ATXN7L1: variants seen among roughly 807,000 people sequenced by gnomAD.
ATXN7L1 encodes ataxin 7 like 1.
In ATXN7L1, 15 loss-of-function variants were observed where a neutral mutation model predicts 70.8. The ratio of observed to expected loss-of-function variants is 0.21; its 90% CI spans 0.14 to 0.33. The LOEUF (loss-of-function observed/expected upper bound fraction) is 0.33, where lower values mean the gene tolerates loss of function less well. Ranked by LOEUF, ATXN7L1 falls within the 10% of genes least tolerant of loss-of-function variation. The pLI is 1.00. For missense variants in ATXN7L1, 975 were observed against 1,097.1 expected (o/e 0.89, Z 1.57); for synonymous variants, 440 against 445.1 (o/e 0.99, Z 0.14).
At chr7:105,740,784 T>TTTTTTTTTTTTTTTTTTTTTTTTTTGAG (rs556048408) in intron 3 of ATXN7L1, among the ~76,000 whole-genome samples, 1 of 77,924 alleles carries the variant, frequency 1.3e-5, no homozygotes, top group Non-Finnish European at 2.3e-5. Flanking sequence ...TTTTTTTTTT[T>TTTTTTTTTTTTTTTTTTTTTTTTTTGAG]AATGGAGTCT....
intron 3 of ATXN7L1, among the ~76,000 whole-genome samples, chr7:105,754,942 C>T (rs1043143030): frequency 2.6e-5 from 4 of 152,210 alleles, no homozygotes; most frequent in African/African-American, 9.6e-5. Context: ...GCACTAAGTC[C>T]TGTGGGTACC....
At chr7:105,743,880 A>G (rs1227630629) in intron 3 of ATXN7L1, among the ~76,000 whole-genome samples, 8 of 152,236 alleles carry the variant, frequency 5.3e-5, no homozygotes, top group Non-Finnish European at 1.2e-4. Flanking sequence ...AATCCTGAAC[A>G]TTAATCAAGT....
chr7:105,765,439 C>T (rs938400269), intron 3 of ATXN7L1, among the ~76,000 whole-genome samples: 1 of 152,112 alleles, frequency 6.6e-6, no homozygotes, highest in Admixed American at 6.5e-5. Context: ...GATGCTGATC[C>T]TACAAAGCAG....
intron 3 of ATXN7L1, among the ~76,000 whole-genome samples, chr7:105,780,749 T>G (rs1411061073): frequency 6.6e-6 from 1 of 152,182 alleles, no homozygotes; most frequent in Non-Finnish European, 1.5e-5. Context: ...GACTGCAATT[T>G]TATGGACTGC....
chr7:105,747,670 G>C (rs1798732876), intron 3 of ATXN7L1, among the ~76,000 whole-genome samples: 1 of 152,206 alleles, frequency 6.6e-6, no homozygotes, highest in Admixed American at 6.5e-5. Context: ...ACAGTGGGGG[G>C]ACTGAGTCTT....
chr7:105,833,319 T>C (rs892382984), intron 2 of ATXN7L1, among the ~76,000 whole-genome samples: 3 of 152,166 alleles, frequency 2.0e-5, no homozygotes, highest in Non-Finnish European at 2.9e-5. Flanking sequence ...ATCTTGCCCC[T>C]ACTAGATCGT....
intron 2 of ATXN7L1, among the ~76,000 whole-genome samples, chr7:105,816,375 C>T (rs1299210895): frequency 2.6e-5 from 4 of 152,106 alleles, no homozygotes; most frequent in Admixed American, 1.3e-4. Context: ...TGCCTTGAAA[C>T]TGAAATTTTT....
At chr7:105,665,006 C>T (rs1477431310) in intron 4 of ATXN7L1, 60 bp downstream of exon 4, 4 of 1,448,364 alleles carry the variant, frequency 2.8e-6, no homozygotes, top group African/African-American at 2.8e-5. Flanking sequence ...ACTATTTCCC[C>T]ATGGTGACAG....
At chr7:105,624,052 G>T in intron 8 of ATXN7L1, 23 bp downstream of exon 8, 4 of 1,378,426 alleles carry the variant, frequency 2.9e-6, no homozygotes, top group Non-Finnish European at 3.8e-6. Flanking sequence ...AGAACGCATG[G>T]CAAGGAACGG....
rs532689124 is a variant in ATXN7L1, at chr7:105,685,735, C to A, written c.356-20447G>T. 3.3e-5 allele frequency among the ~76,000 whole-genome samples: 5 copies of A among 152,278 alleles called. No homozygotes were observed. The South Asian group carries it at 1.0e-3, about 32-fold the overall frequency. On this transcript the variant is annotated intron_variant, in intron 3 of 11. Coordinates refer to ENST00000419735, the MANE Select transcript of ATXN7L1 (RefSeq NM_020725.2). Reference sequence around the variant, plus strand: ...CTTTTAGCTCCCCTACGGCTTGACCCCAGTCAATCCCTGAGCTTCCATCCT... The same window carrying A: ...CTTTTAGCTCCCCTACGGCTTGACCACAGTCAATCCCTGAGCTTCCATCCT...
At chr7:105,671,185 C>T (rs1410285017) in intron 3 of ATXN7L1, among the ~76,000 whole-genome samples, 2 of 144,638 alleles carry the variant, frequency 1.4e-5, no homozygotes, top group Non-Finnish European at 3.0e-5. Context: ...CAGGAGGCTG[C>T]GGCAGGAGAA....
intron 2 of ATXN7L1, among the ~76,000 whole-genome samples, chr7:105,800,068 AG>A (rs1806585723): frequency 6.6e-6 from 1 of 152,206 alleles, no homozygotes; most frequent in Non-Finnish European, 1.5e-5. Flanking sequence ...CTAAAGCACA[AG>A]GGCACAGGAA....
intron 2 of ATXN7L1, among the ~76,000 whole-genome samples, chr7:105,803,154 A>C (rs569533694): frequency 1.3e-5 from 2 of 152,256 alleles, no homozygotes; most frequent in Admixed American, 6.5e-5. Flanking sequence ...GACTCAATGC[A>C]ACACACGGGC....
intron 4 of ATXN7L1, among the ~76,000 whole-genome samples, chr7:105,644,479 A>G (rs1384765234): frequency 6.6e-6 from 1 of 152,242 alleles, no homozygotes; most frequent in African/African-American, 2.4e-5. Flanking sequence ...AGGGGAAACT[A>G]GAATGACAGT....
chr7:105,812,995 C>T (rs1290632457), intron 2 of ATXN7L1, among the ~76,000 whole-genome samples: 1 of 152,160 alleles, frequency 6.6e-6, no homozygotes, highest in East Asian at 1.9e-4. Flanking sequence ...GAGTGAGACC[C>T]TGTCTCAAAA....
At chr7:105,860,170 A>G (rs193009242) in intron 2 of ATXN7L1, among the ~76,000 whole-genome samples, 227 of 100,104 alleles carry the variant, frequency 2.3e-3, no homozygotes, top group South Asian at 0.013. Flanking sequence ...TATATATATG[A>G]AAACAAGACA....
At chr7:105,618,082 G>C (rs1794185983) in intron 9 of ATXN7L1, 1 of 456,548 alleles carries the variant, frequency 2.2e-6, no homozygotes, top group African/African-American at 2.0e-5. Flanking sequence ...ATGCCCTGTG[G>C]CTCGGGTTTC....
At chr7:105,715,785 T>C (rs1794463933) in intron 3 of ATXN7L1, among the ~76,000 whole-genome samples, 1 of 152,194 alleles carries the variant, frequency 6.6e-6, no homozygotes, top group Non-Finnish European at 1.5e-5. Context: ...GGTGGAGAAA[T>C]GACAGTGGTG....
chr7:105,819,764 C>A (rs959178684), intron 2 of ATXN7L1: 3 of 715,640 alleles, frequency 4.2e-6, no homozygotes, highest in Admixed American at 3.6e-5. Context: ...CCCCACAAGA[C>A]AAAGCAAGGC....
Sources: gnomAD v4.1 joint callset for allele counts (sites outside exome capture counted in the v4.1 genomes callset) on GRCh38, gnomAD v4.1.1 for gene constraint, MANE v1.5 for transcripts, NCBI Gene and HGNC (gene_info 2026-07-23, HGNC 2026-07-21) for gene names.